Variants in ZNF335 observed in about 807,000 individuals in gnomAD.
ZNF335 encodes the protein zinc finger protein 335, also known as NRC-interacting factor 1.
ZNF335 carries 84 observed loss-of-function variants against 145.6 expected under a neutral mutation model. The observed-to-expected ratio is 0.58, with a 90% CI of 0.48 to 0.69. ZNF335 has a LOEUF of 0.69. Among genes scored for constraint, ZNF335 ranks in the 30% least tolerant of loss-of-function variants. The pLI is 0.00. For missense variants in ZNF335, 1,865 were observed against 1,809.7 expected, an observed-to-expected ratio of 1.03 and a Z score of -0.55; for synonymous variants, 761 against 717.0, an observed-to-expected ratio of 1.06 and a Z score of -0.98.
chr20:45,958,634 T>C (rs2083771058), intron 15 of ZNF335, among the ~76,000 whole-genome samples: 1 of 152,222 alleles, frequency 6.6e-6, no homozygotes, highest in African/African-American at 2.4e-5. Context: ...AGGGTGGCAA[T>C]GTACCCAGCT....
In ZNF335 at chr20:45,952,659, A is replaced by C. The variant is rs2083655860; in HGVS notation, c.2753T>G (p.Leu918Arg). 1 of 1,613,720 alleles carries C rather than the reference A, an allele frequency of 6.2e-7. No homozygotes were observed. The highest frequency in any genetic ancestry group is 1.1e-5 in the South Asian group (1 of 91,092). The change falls in exon 19 of 28, where the codon CTA becomes CGA. Residue 918 changes from leucine to arginine, a missense_variant. Leu to Arg is a moderately radical substitution (Grantham distance 102, BLOSUM62 -2). Transcript: ENST00000322927. ...AAQAVVVSDTLKEAGTHYIMA... is the reference protein window; with the variant it reads ...AAQAVVVSDTRKEAGTHYIMA... ...GATGTAGTGGGTGCCAGCTTCTTTT[A>C]GGGTGTCACTCACAACCACAGCCTG...
At chr20:45,956,870 G>A (rs1437072506) in intron 17 of ZNF335, among the ~76,000 whole-genome samples, 1 of 152,044 alleles carries the variant, frequency 6.6e-6, no homozygotes, top group Non-Finnish European at 1.5e-5. Flanking sequence ...AGTCTTTCTA[G>A]GGATGATACC....
intron 10 of ZNF335, 53 bp downstream of exon 10, chr20:45,962,017 T>TGGC: frequency 1.7e-6 from 2 of 1,207,416 alleles, no homozygotes; most frequent in Non-Finnish European, 2.4e-6. Context: ...GGCCTCCACT[T>TGGC]CCCCACCCAA....
intron 1 of ZNF335, 188 bp from the exon 2 acceptor site, chr20:45,971,648 G>A (rs1190618407): frequency 1.9e-5 from 19 of 985,500 alleles, no homozygotes; most frequent in Non-Finnish European, 2.3e-5. Context: ...GTGCTTCCCA[G>A]GCTAAGGCCC....
chr20:45,949,981 C>T lies in ZNF335; in HGVS notation c.3576G>A (p.Gln1192=), dbSNP rs769153401. The change falls in exon 23 of 28, where the codon CAG becomes CAA. Residue 1192 remains glutamine (Q), a synonymous_variant. Coordinates refer to ENST00000322927, the MANE Select transcript of ZNF335 (RefSeq NM_022095.4). ...SQEHIIVAQE[Q]TVTNQEEAAY... is the part of the protein sequence containing the mutation. Reference sequence around the variant, plus strand: ...TGACTCTTACCTGATTGGTCACTGTCTGTTCCTGGGCAACGATGATGTGTT... The same window carrying T: ...TGACTCTTACCTGATTGGTCACTGTTTGTTCCTGGGCAACGATGATGTGTT... The T allele has an allele frequency of 2.5e-6, 4 of 1,614,078 alleles. No homozygotes were observed. The African/African-American group carries it at 5.3e-5, about 22-fold the overall frequency.
rs755172468 is a variant in ZNF335, at chr20:45,968,034, A to T, written c.521-7T>A. 1 of 1,612,226 alleles carries T rather than the reference A, an allele frequency of 6.2e-7. No homozygotes were observed. Among genetic ancestry groups the T allele is most frequent in the South Asian group, 1.1e-5 (1 of 91,068 alleles). On this transcript the variant is annotated splice_region_variant and splice_polypyrimidine_tract_variant and intron_variant, in intron 4 of 27. Coordinates refer to ENST00000322927, the MANE Select transcript of ZNF335 (RefSeq NM_022095.4). ...GGTGATGTCATGGGGGCTCCTGGGG[A>T]TGGGTGAGGCAATTGGAGGGTGGTT...
At chr20:45,954,909 A>T (rs1402808091) in intron 17 of ZNF335, among the ~76,000 whole-genome samples, 1 of 151,400 alleles carries the variant, frequency 6.6e-6, no homozygotes, top group East Asian at 1.9e-4. Context: ...CTGGTACTAC[A>T]GGCATGCATT....
At chr20:45,967,103 CA>C (rs1321903101) in intron 6 of ZNF335, 1 of 196,596 alleles carries the variant, frequency 5.1e-6, no homozygotes, top group Non-Finnish European at 1.1e-5. Flanking sequence ...ATTAGCCAGG[CA>C]TGCTGGCAGG....
At chr20:45,955,624 G>A (rs1162697343) in intron 17 of ZNF335, among the ~76,000 whole-genome samples, 1 of 151,936 alleles carries the variant, frequency 6.6e-6, no homozygotes, top group Non-Finnish European at 1.5e-5. Flanking sequence ...TTCGAAACTA[G>A]CCTGGCCAAT....
Position 45,971,641 on chromosome 20 carries a change from C to A in ZNF335, c.-50-181G>T, listed in dbSNP as rs992917111. 3 of 985,384 alleles carry A rather than the reference C, an allele frequency of 3.0e-6. No individual in the cohort carries two copies. The Admixed American group carries it at 1.8e-4, about 61-fold the overall frequency. The allele number at this position is 985,384 out of a possible 1,614,324, so 61.0% of individuals were successfully genotyped here. On this transcript the variant is annotated intron_variant, in intron 1 of 27. Transcript: ENST00000322927. The stretch of plus-strand genomic sequence containing the variant: ...GGAAAAACTTGACGGAGAAGCTGTG[C>A]TTCCCAGGCTAAGGCCCTTCCCGGG...
rs1226188562 is a variant in ZNF335, at chr20:45,957,921, G to C, written c.2261C>G (p.Pro754Arg). 3.7e-6 allele frequency: 6 copies of C among 1,614,036 alleles called. No individual in the cohort carries two copies. In the South Asian group the frequency reaches 4.4e-5, roughly 12 times the overall value. The change falls in exon 16 of 28, where the codon CCA becomes CGA. Residue 754 changes from proline to arginine, a missense_variant. Coordinates refer to ENST00000322927, the MANE Select transcript of ZNF335 (RefSeq NM_022095.4). ...PSSPGPPEIP[P>R]EATTFQSSEA... The stretch of plus-strand genomic sequence containing the variant: ...AGATGACTGGAAAGTTGTCGCCTCT[G>C]GGGGTATCTATGGGGTGGAGATATG...
intron 11 of ZNF335, 45 bp from the exon 12 acceptor site, chr20:45,960,777 A>G: frequency 6.2e-7 from 1 of 1,611,740 alleles, no homozygotes; most frequent in Non-Finnish European, 8.5e-7. Context: ...GAAGTGGAGG[A>G]GGGAGGATAA....
At chr20:45,956,830 G>A (rs2083737369) in intron 17 of ZNF335, among the ~76,000 whole-genome samples, 2 of 152,028 alleles carry the variant, frequency 1.3e-5, no homozygotes, top group African/African-American at 4.8e-5. Context: ...ATAAATGAAT[G>A]TTTTATAACC....
Position 45,963,957 on chromosome 20 carries a change from C to T in ZNF335, c.1136G>A (p.Ser379Asn). 6.5e-7 allele frequency: 1 copy of T among 1,530,346 alleles called. No individual in the cohort carries two copies. The highest frequency in any genetic ancestry group is 8.8e-7 in the Non-Finnish European group (1 of 1,141,220). The allele number at this position is 1,530,346 out of a possible 1,614,324, so 94.8% of individuals were successfully genotyped here. Residue 379 changes from serine to asparagine, a missense_variant, in exon 8 of 28, where the codon AGT becomes AAT. By Grantham distance (46) the Ser-to-Asn change is conservative. Transcript: ENST00000322927. ...VEGEPLVSSQ[S>N]GQSPPEPQDP... Reference sequence around the variant, plus strand: ...CTGTGGCTCTGGAGGGCTCTGTCCACTCTGGGAACTCACTAGAGGCTCTCC... The same window carrying T: ...CTGTGGCTCTGGAGGGCTCTGTCCATTCTGGGAACTCACTAGAGGCTCTCC...
chr20:45,965,977 C>T (rs1388194789), intron 6 of ZNF335, among the ~76,000 whole-genome samples: 1 of 152,154 alleles, frequency 6.6e-6, no homozygotes, highest in Non-Finnish European at 1.5e-5. Context: ...TCTACCCTTC[C>T]TGGCACCTAC....
rs559605138 is a variant in ZNF335, at chr20:45,955,710, C to G, written c.2443-1762G>C. On this transcript the variant is annotated intron_variant, in intron 17 of 27. Coordinates refer to ENST00000322927, the MANE Select transcript of ZNF335 (RefSeq NM_022095.4). ...TGACGTGCACCTGTAATCCCAGCAA[C>G]TCAGGAGGCCGAGGTAGGACAATCA... 2.6e-5 allele frequency among the ~76,000 whole-genome samples: 4 copies of G among 151,878 alleles called. No homozygotes were observed. In the South Asian group the frequency reaches 8.4e-4, roughly 32 times the overall value.
At chr20:45,960,058 T>C in intron 14 of ZNF335, 150 bp downstream of exon 14, 1 of 935,068 alleles carries the variant, frequency 1.1e-6, no homozygotes, top group Non-Finnish European at 1.6e-6. Context: ...TGAATACGCC[T>C]ATGGGAAATT....
At position 45,964,130 on chromosome 20, in the gene ZNF335, G is replaced by C. The variant is rs979948468; in HGVS notation, c.1103-140C>G. On this transcript the variant is annotated intron_variant, in intron 7 of 27. Transcript: ENST00000322927. Reference sequence around the variant, plus strand: ...TGGGTGCATTGAGTCACATGACACAGACAGCCTGTGGTTAGAGGGCAGCAT... The same window carrying C: ...TGGGTGCATTGAGTCACATGACACACACAGCCTGTGGTTAGAGGGCAGCAT... The C allele has an allele frequency of 4.7e-6, 5 of 1,061,552 alleles. No individual in the cohort carries two copies. The African/African-American group carries it at 8.1e-5, about 17-fold the overall frequency. The allele number at this position is 1,061,552 out of a possible 1,614,324, so 65.8% of individuals were successfully genotyped here.
intron 6 of ZNF335, chr20:45,967,172 A>C: frequency 3.3e-6 from 1 of 302,682 alleles, no homozygotes. Flanking sequence ...GAACTCAGGA[A>C]TTCAAGGTAA....
Sources: gnomAD v4.1 joint callset for allele counts (sites outside exome capture counted in the v4.1 genomes callset) on GRCh38, gnomAD v4.1.1 for gene constraint, MANE v1.5 for transcripts, NCBI Gene and HGNC (gene_info 2026-07-23, HGNC 2026-07-21) for gene names.